VPS37B: variants seen among roughly 807,000 people sequenced by gnomAD.
VPS37B encodes the protein vacuolar protein sorting-associated protein 37B.
VPS37B carries 11 observed loss-of-function variants against 21.2 expected under a neutral mutation model. That is an observed-to-expected ratio of 0.52 (90% CI 0.33 to 0.86). The LOEUF (loss-of-function observed/expected upper bound fraction) is 0.86. Among genes scored for constraint, VPS37B ranks in the 40% least tolerant of loss-of-function variants. The probability of loss-of-function intolerance (pLI) is 0.03; values close to 1 mark genes in which losing one functional copy is unlikely to be tolerated. For synonymous variants in VPS37B, 175 were observed against 159.6 expected (o/e 1.10, Z -0.73); for missense variants, 389 against 374.8 (o/e 1.04, Z -0.31).
chr12:122,876,300 G>A (rs2034147881), intron 1 of VPS37B: 1 of 152,086 alleles, frequency 6.6e-6, no homozygotes, highest in African/African-American at 2.4e-5. Context: ...TGTAGAGAAA[G>A]GGTTTTTCTG....
At position 122,867,335 on chromosome 12, in the gene VPS37B, C is replaced by A; in HGVS notation, c.639G>T (p.Pro213=). 2.6e-6 allele frequency: 1 copy of A among 386,182 alleles called. No individual in the cohort carries two copies. The highest frequency in any genetic ancestry group is 4.9e-6 in the Non-Finnish European group (1 of 205,296). 23.9% of individuals were successfully genotyped at this position (386,182 alleles called of 1,614,324 possible). A position where few individuals can be genotyped will look rare whatever the true frequency, so the allele number is the denominator to read the frequency against. The change falls in exon 4 of 4, where the codon CCG becomes CCT. Residue 213 remains proline (P), a synonymous_variant. Transcript: ENST00000267202. This position sits in a 1 kb window ranked among gnomAD's most constrained non-coding sequence, Gnocchi z 5.5. ...APRRIPPPPP[P]VPAGRLATPF... is the part of the protein sequence containing the mutation. ...GGGTGGCTAAGCGTCCCGCAGGCAC[C>A]GGGGGTGGTGGGGGGGGGATGCGCC...
At chr12:122,881,884 C>T (rs1366461185) in intron 1 of VPS37B, 1 of 152,188 alleles carries the variant, frequency 6.6e-6, no homozygotes, top group Non-Finnish European at 1.5e-5. Context: ...GTATAACCGT[C>T]TCCTAGGTTC....
rs1016901033 is a variant in VPS37B, at chr12:122,868,196, G to A, written c.366+284C>T. 2.6e-5 allele frequency among the ~76,000 whole-genome samples: 4 copies of A among 152,226 alleles called. No homozygotes were observed. The highest frequency in any genetic ancestry group is 4.4e-5 in the Non-Finnish European group (3 of 68,030). ...CCAGCTGGCCCTTGAACGACGGCAC[G>A]TGGTAATCCGCCACTGGCCCCAGGG... On this transcript the variant is annotated intron_variant, in intron 3 of 3. Transcript: ENST00000267202. The surrounding 1 kb of genome is among the most constrained non-coding windows in gnomAD (Gnocchi z 5.5).
Position 122,867,497 on chromosome 12 carries a change from G to C in VPS37B, c.477C>G (p.Leu159=). 1 of 1,614,052 alleles carries C rather than the reference G, an allele frequency of 6.2e-7. No homozygotes were observed. Among genetic ancestry groups the C allele is most frequent in the Non-Finnish European group, 8.5e-7 (1 of 1,180,012 alleles). ...TCTGCCCCTTTAGGACCATCTCCTG[G>C]AGCTTCTCGATTTTCACCCGTCGCA... The part of the protein sequence containing the change: ...AHMRRVKIEK[L]QEMVLKGQRL... Residue 159 remains leucine, a synonymous_variant, in exon 4 of 4, where the codon CTC becomes CTG. Coordinates refer to ENST00000267202, the MANE Select transcript of VPS37B (RefSeq NM_024667.3). This position sits in a 1 kb window ranked among gnomAD's most constrained non-coding sequence, Gnocchi z 5.5.
chr12:122,883,365 G>C (rs939854793), intron 1 of VPS37B: 1 of 152,228 alleles, frequency 6.6e-6, no homozygotes, highest in Non-Finnish European at 1.5e-5. Flanking sequence ...CAAAAAGCTA[G>C]GCTCGAAAAT....
At chr12:122,872,231 G>C (rs2034053340) in intron 1 of VPS37B, 1 of 985,292 alleles carries the variant, frequency 1.0e-6, no homozygotes, top group Non-Finnish European at 1.2e-6. Flanking sequence ...CACACACAAG[G>C]AAGAGCCTCA....
chr12:122,868,525 T>A lies in VPS37B; in HGVS notation c.321A>T (p.Leu107Phe), dbSNP rs2033955478. ...QSSSASLETL[L>F]ALLQAEGAKI... The stretch of plus-strand genomic sequence containing the variant: ...TGGCCCCTTCTGCCTGAAGAAGTGC[T>A]AACAGGGTCTCCAAGGAAGCACTGC... The change falls in exon 3 of 4, where the codon TTA becomes TTT. Residue 107 changes from leucine (L) to phenylalanine (F), a missense_variant. Physicochemically the swap from Leu to Phe is conservative, Grantham distance 22. Transcript: ENST00000267202. The surrounding 1 kb of genome is among the most constrained non-coding windows in gnomAD (Gnocchi z 5.5). The A allele has an allele frequency of 6.2e-7, 1 of 1,613,772 alleles. No individual in the cohort carries two copies. Among genetic ancestry groups the A allele is most frequent in the Admixed American group, 1.7e-5 (1 of 59,962 alleles).
chr12:122,870,726 TA>T, intron 2 of VPS37B, 163 bp downstream of exon 2: 1 of 724,386 alleles, frequency 1.4e-6, no homozygotes, highest in Non-Finnish European at 2.1e-6. Context: ...ACCCTGTCTC[TA>T]AAAATAAATA....
chr12:122,895,959 ATCT>A lies in VPS37B; in HGVS notation c.101_103del (p.Lys34del), dbSNP rs1293648658. On this transcript the variant is annotated inframe_deletion, in exon 1 of 4. Transcript: ENST00000267202. ...AAGCCCAGCTCGGCTCACCTCCTCC[ATCT>A]TCTGCACCATCTCCGTCAGCTGGCC... 1.9e-6 allele frequency: 3 copies of A among 1,611,012 alleles called. No individual in the cohort carries two copies. The highest frequency in any genetic ancestry group is 2.5e-6 in the Non-Finnish European group (3 of 1,178,704).
chr12:122,868,682 A>C lies in VPS37B; in HGVS notation c.284-120T>G, dbSNP rs1194625400. On this transcript the variant is annotated intron_variant, in intron 2 of 3. Coordinates refer to ENST00000267202, the MANE Select transcript of VPS37B (RefSeq NM_024667.3). The surrounding 1 kb of genome is among the most constrained non-coding windows in gnomAD (Gnocchi z 5.5). ...GGAAGCTGAATGTGAAAGGCTTGAAAACCTACAGGGGAACAAGTGCACCAA... is the reference window on the plus strand; with the variant it reads ...GGAAGCTGAATGTGAAAGGCTTGAACACCTACAGGGGAACAAGTGCACCAA... 2.3e-6 allele frequency: 2 copies of C among 871,624 alleles called. No homozygotes were observed. The highest frequency in any genetic ancestry group is 2.7e-5 in the East Asian group (1 of 36,970). 54.0% of individuals were successfully genotyped at this position (871,624 alleles called of 1,614,324 possible). A position where few individuals can be genotyped will look rare whatever the true frequency, so the allele number is the denominator to read the frequency against.
rs748770301 is a variant in VPS37B, at chr12:122,866,795, G to A, written c.*321C>T. 8 of 304,284 alleles carry A rather than the reference G, an allele frequency of 2.6e-5. No individual in the cohort carries two copies. Among genetic ancestry groups the A allele is most frequent in the Admixed American group, 4.8e-5 (1 of 20,700 alleles). 18.8% of individuals were successfully genotyped at this position (304,284 alleles called of 1,614,324 possible). A position where few individuals can be genotyped will look rare whatever the true frequency, so the allele number is the denominator to read the frequency against. ...AATAAAGCTGCAACAGAAGGACCAC[G>A]ATTCTAAATGGGACTGGGGGAGAGG... On this transcript the variant is annotated 3_prime_UTR_variant, in exon 4 of 4. Transcript: ENST00000267202.
intron 1 of VPS37B, 95 bp downstream of exon 1, chr12:122,895,857 G>A: frequency 8.8e-7 from 1 of 1,141,342 alleles, no homozygotes; most frequent in Admixed American, 1.8e-5. Context: ...AACACGACCG[G>A]AGGCGCCGCG....
At chr12:122,890,116 T>C (rs1593925703) in intron 1 of VPS37B, 1 of 152,246 alleles carries the variant, frequency 6.6e-6, no homozygotes, top group Admixed American at 6.5e-5. Flanking sequence ...GGGTAGCAGG[T>C]AGACAAAGTT....
At chr12:122,890,038 AAG>A in intron 1 of VPS37B, 1 of 152,312 alleles carries the variant, frequency 6.6e-6, no homozygotes, top group African/African-American at 2.4e-5. Context: ...GGACATGGGG[AAG>A]AGCACACTGA....
intron 1 of VPS37B, chr12:122,874,350 A>AG (rs1278602023): frequency 7.2e-5 from 11 of 152,328 alleles, no homozygotes; most frequent in African/African-American, 2.4e-4. Context: ...GCTCTTCAGG[A>AG]GGGGCCAGGC....
At chr12:122,888,340 C>T (rs1157412043) in intron 1 of VPS37B, 5 of 334,330 alleles carry the variant, frequency 1.5e-5, no homozygotes, top group Non-Finnish European at 3.0e-5. Flanking sequence ...TCTACAAAGG[C>T]ATTTCCTCTG....
At chr12:122,892,293 C>G (rs1461380348) in intron 1 of VPS37B, among the ~76,000 whole-genome samples, 1 of 152,038 alleles carries the variant, frequency 6.6e-6, no homozygotes. Flanking sequence ...AAATGAGGAC[C>G]GTAGCTCCGA....
chr12:122,877,085 A>T (rs2034163706), intron 1 of VPS37B: 2 of 152,212 alleles, frequency 1.3e-5, no homozygotes, highest in South Asian at 4.1e-4. Context: ...TTCCAAGCTA[A>T]ATCTTCTTCA....
Position 122,866,998 on chromosome 12 carries a change from A to G in VPS37B, c.*118T>C, listed in dbSNP as rs2033913216. The stretch of plus-strand genomic sequence containing the variant: ...GACCTACAGTTCTAAAATCAGACAG[A>G]CACGCTGGCCCAGGGCCCCAGAGCC... On this transcript the variant is annotated 3_prime_UTR_variant, in exon 4 of 4. Coordinates refer to ENST00000267202, the MANE Select transcript of VPS37B (RefSeq NM_024667.3). 1 of 1,298,884 alleles carries G rather than the reference A, an allele frequency of 7.7e-7. No homozygotes were observed. Among genetic ancestry groups the G allele is most frequent in the South Asian group, 1.9e-5 (1 of 52,666 alleles). The allele number at this position is 1,298,884 out of a possible 1,614,324, so 80.5% of individuals were successfully genotyped here.
Sources: allele counts gnomAD v4.1 joint callset (sites outside exome capture counted in the v4.1 genomes callset), GRCh38; gene constraint gnomAD v4.1.1; non-coding constraint Gnocchi (gnomAD v3.1); transcripts MANE v1.5; gene names NCBI Gene and HGNC (gene_info 2026-07-23, HGNC 2026-07-21).